Variants in ANKRD27 observed in about 807,000 individuals in gnomAD.
ANKRD27 encodes ankyrin repeat domain-containing protein 27.
Under a neutral mutation model 129.7 loss-of-function variants are expected in ANKRD27, and 112 were observed. The ratio of observed to expected loss-of-function variants is 0.86; its 90% CI spans 0.74 to 1.01. The LOEUF (loss-of-function observed/expected upper bound fraction) is 1.01. Ranked by LOEUF, ANKRD27 falls within the 50% of genes least tolerant of loss-of-function variation. ANKRD27 has a pLI of 0.00. For missense variants in ANKRD27, 1,258 were observed against 1,300.5 expected, an observed-to-expected ratio of 0.97 and a Z score of 0.50; for synonymous variants, 516 against 511.2, an observed-to-expected ratio of 1.01 and a Z score of -0.13.
intron 17 of ANKRD27, 101 bp from the exon 18 acceptor site, chr19:32,622,720 G>T: frequency 9.4e-7 from 1 of 1,062,338 alleles, no homozygotes. Flanking sequence ...TGCAGTAACA[G>T]ACAGAACTCA....
intron 12 of ANKRD27, among the ~76,000 whole-genome samples, chr19:32,632,584 CAAA>C (rs531083631): frequency 0.037 from 3,849 of 105,094 alleles, 111 homozygotes; most frequent in East Asian, 0.21. Context: ...GACTCCATCT[CAAA>C]AAAAAAAAAA....
chr19:32,601,176 G>A (rs577525757), intron 26 of ANKRD27, among the ~76,000 whole-genome samples: 1 of 152,196 alleles, frequency 6.6e-6, no homozygotes, highest in East Asian at 1.9e-4. Flanking sequence ...GCACGTGCCT[G>A]TAATCCTAGC....
At chr19:32,658,422 C>G (rs958776565) in intron 2 of ANKRD27, among the ~76,000 whole-genome samples, 6 of 152,200 alleles carry the variant, frequency 3.9e-5, no homozygotes, top group Non-Finnish European at 7.3e-5. Flanking sequence ...AGGTTGTGGC[C>G]TCTACCAGAA....
At chr19:32,660,017 G>A (rs1335295900) in intron 1 of ANKRD27, among the ~76,000 whole-genome samples, 1 of 152,170 alleles carries the variant, frequency 6.6e-6, no homozygotes, top group Admixed American at 6.5e-5. Context: ...CCAGCCACTC[G>A]GGAGGCTAAG....
rs764705340 is a variant in ANKRD27 at position 32,625,970 on chromosome 19, C to T, written c.1537-4G>A. 1.1e-5 allele frequency: 18 copies of T among 1,601,922 alleles called. No homozygotes were observed. Among genetic ancestry groups the T allele is most frequent in the East Asian group, 2.2e-5 (1 of 44,504 alleles). On this transcript the variant is annotated splice_polypyrimidine_tract_variant and splice_region_variant and intron_variant, in intron 16 of 28. Coordinates refer to ENST00000306065, the MANE Select transcript of ANKRD27 (RefSeq NM_032139.3). Reference sequence around the variant, plus strand: ...CCTTGTAGTGCAGCAGCAGCAGCTGCGGAGATAAAGGAAAGCGATGAGCAG... The same window carrying T: ...CCTTGTAGTGCAGCAGCAGCAGCTGTGGAGATAAAGGAAAGCGATGAGCAG...
intron 25 of ANKRD27, among the ~76,000 whole-genome samples, chr19:32,602,647 CT>C (rs1242524855): frequency 1.3e-5 from 2 of 151,870 alleles, no homozygotes; most frequent in Non-Finnish European, 2.9e-5. Flanking sequence ...AATCTCAGCA[CT>C]TTTGAGAGGC....
At chr19:32,618,924 A>G (rs1383229516) in intron 20 of ANKRD27, among the ~76,000 whole-genome samples, 1 of 152,220 alleles carries the variant, frequency 6.6e-6, no homozygotes, top group Non-Finnish European at 1.5e-5. Flanking sequence ...AAAATAAAAA[A>G]TAAAAATAAA....
chr19:32,609,659 TG>T (rs1179669974), intron 22 of ANKRD27, among the ~76,000 whole-genome samples: 3 of 102,996 alleles, frequency 2.9e-5, no homozygotes, highest in African/African-American at 1.1e-4. Context: ...GATGGGGGAA[TG>T]GGGGGGTCAT....
At chr19:32,608,315 T>G (rs1261214467) in intron 22 of ANKRD27, 2 of 222,634 alleles carry the variant, frequency 9.0e-6, no homozygotes, top group Non-Finnish European at 9.2e-6. Flanking sequence ...CTGGCTAATT[T>G]CACTTTTTTT....
At chr19:32,655,477 T>A (rs1967501082) in intron 2 of ANKRD27, among the ~76,000 whole-genome samples, 1 of 152,098 alleles carries the variant, frequency 6.6e-6, no homozygotes, top group Non-Finnish European at 1.5e-5. Flanking sequence ...CTAAGAAGAA[T>A]CTCCATTCTC....
At chr19:32,673,670 A>G (rs1015415358) in intron 1 of ANKRD27, among the ~76,000 whole-genome samples, 4 of 152,138 alleles carry the variant, frequency 2.6e-5, no homozygotes, top group African/African-American at 9.7e-5. Context: ...GGTGGCTGAG[A>G]ACCCCCCTTC....
chr19:32,640,095 G>A (rs1026200386), intron 11 of ANKRD27, among the ~76,000 whole-genome samples: 2 of 152,250 alleles, frequency 1.3e-5, no homozygotes, highest in Middle Eastern at 6.8e-3. Context: ...CTGAGTAGCT[G>A]GGACTACAGG....
At chr19:32,650,830 C>A (rs1440477426) in intron 2 of ANKRD27, among the ~76,000 whole-genome samples, 1 of 149,932 alleles carries the variant, frequency 6.7e-6, no homozygotes, top group East Asian at 2.0e-4. Context: ...GCTCACTGCA[C>A]CCTCAACCTC....
intron 22 of ANKRD27, among the ~76,000 whole-genome samples, chr19:32,613,473 C>T (rs1359344289): frequency 6.6e-6 from 1 of 152,072 alleles, no homozygotes; most frequent in Non-Finnish European, 1.5e-5. Context: ...GTGTTCTTAC[C>T]GAAACGTCTA....
At chr19:32,622,677 C>T (rs763586519) in intron 17 of ANKRD27, 58 bp from the exon 18 acceptor site, 22 of 1,564,428 alleles carry the variant, frequency 1.4e-5, no homozygotes, top group Non-Finnish European at 1.9e-5. Context: ...CGACAAGGTC[C>T]GTGCTCTCCT....
chr19:32,606,094 T>C (rs1488716790), intron 23 of ANKRD27, 140 bp from the exon 24 acceptor site: 1 of 700,900 alleles, frequency 1.4e-6, no homozygotes, highest in Non-Finnish European at 2.1e-6. Flanking sequence ...AGTTTGATAT[T>C]CTTTTGACTT....
chr19:32,617,388 T>C (rs1020607270), intron 21 of ANKRD27, among the ~76,000 whole-genome samples: 3 of 151,936 alleles, frequency 2.0e-5, no homozygotes, highest in Non-Finnish European at 2.9e-5. Flanking sequence ...TACAAAAAAT[T>C]TGTTTATGAT....
At chr19:32,620,009 T>C (rs1273848604) in intron 18 of ANKRD27, among the ~76,000 whole-genome samples, 1 of 152,046 alleles carries the variant, frequency 6.6e-6, no homozygotes, top group Non-Finnish European at 1.5e-5. Flanking sequence ...GATCTCCCTC[T>C]GGAAGGGCCT....
At chr19:32,626,646 G>C in intron 16 of ANKRD27, 66 bp downstream of exon 16, 2 of 1,273,130 alleles carry the variant, frequency 1.6e-6, no homozygotes, top group Non-Finnish European at 2.2e-6. Context: ...TGACCGTACA[G>C]TCACCACGCA....
Sources: allele counts gnomAD v4.1 joint callset (sites outside exome capture counted in the v4.1 genomes callset), GRCh38; gene constraint gnomAD v4.1.1; transcripts MANE v1.5; gene names NCBI Gene and HGNC (gene_info 2026-07-23, HGNC 2026-07-21).